DOCK3: variants seen among roughly 807,000 people sequenced by gnomAD.
DOCK3 encodes the protein dedicator of cytokinesis protein 3.
DOCK3 carries 60 observed loss-of-function variants against 265.6 expected under a neutral mutation model. The ratio of observed to expected loss-of-function variants is 0.23; its 90% confidence interval spans 0.18 to 0.28. The LOEUF is 0.28. DOCK3 is among the 10% of genes least tolerant of loss of function. The pLI is 1.00. For synonymous variants in DOCK3, 881 were observed against 938.0 expected, an observed-to-expected ratio of 0.94 and a Z score of 1.11; for missense variants, 1,981 against 2,594.3, an observed-to-expected ratio of 0.76 and a Z score of 5.14.
At chr3:51,166,345 C>A (rs1204827003) in intron 12 of DOCK3, among the ~76,000 whole-genome samples, 1 of 152,184 alleles carries the variant, frequency 6.6e-6, no homozygotes, top group African/African-American at 2.4e-5. Flanking sequence ...GTCACCATGC[C>A]TGGCCTATGT....
chr3:51,171,711 A>G (rs1251606954), intron 12 of DOCK3, among the ~76,000 whole-genome samples: 1 of 148,254 alleles, frequency 6.7e-6, no homozygotes, highest in African/African-American at 2.5e-5. Flanking sequence ...GCGAGACTCC[A>G]TCTCAAAAAA....
chr3:50,960,608 T>C (rs1411871086), intron 5 of DOCK3, among the ~76,000 whole-genome samples: 1 of 152,190 alleles, frequency 6.6e-6, no homozygotes, highest in Non-Finnish European at 1.5e-5. Flanking sequence ...ATCAGAAGTA[T>C]GATTTGAAAA....
chr3:50,788,093 G>A (rs763000043), intron 2 of DOCK3: 1 of 755,608 alleles, frequency 1.3e-6, no homozygotes, highest in South Asian at 1.8e-5. Context: ...GCTCATCTTG[G>A]TGTCCACAAA....
chr3:51,180,826 T>C (rs2087246925), intron 12 of DOCK3, among the ~76,000 whole-genome samples: 1 of 152,180 alleles, frequency 6.6e-6, no homozygotes, highest in Non-Finnish European at 1.5e-5. Flanking sequence ...AGTGTCAATG[T>C]GGAGCCTTGT....
chr3:51,149,185 AT>A (rs1431383284), intron 10 of DOCK3, among the ~76,000 whole-genome samples: 4 of 152,100 alleles, frequency 2.6e-5, no homozygotes, highest in African/African-American at 9.7e-5. Flanking sequence ...TTGCACATTG[AT>A]TTTGTGTCCT....
chr3:50,834,712 T>C (rs2045402474), intron 2 of DOCK3, among the ~76,000 whole-genome samples: 1 of 152,210 alleles, frequency 6.6e-6, no homozygotes, highest in African/African-American at 2.4e-5. Flanking sequence ...CATGTCACTA[T>C]AAGTCATTCA....
At chr3:51,048,937 A>C (rs552767820) in intron 5 of DOCK3, among the ~76,000 whole-genome samples, 175 of 152,154 alleles carry the variant, frequency 1.2e-3, no homozygotes, top group Non-Finnish European at 1.8e-3. Flanking sequence ...GCAGCACAGC[A>C]GTATCACCAG....
intron 5 of DOCK3, among the ~76,000 whole-genome samples, chr3:50,940,215 G>T (rs1339077464): frequency 6.6e-6 from 1 of 151,468 alleles, no homozygotes. Flanking sequence ...ACTTTGGGAG[G>T]CTGAGGCAGG....
At position 50,755,396 on chromosome 3, in the gene DOCK3, A is replaced by AT. The variant is rs200090888; in HGVS notation, c.38-23278dup. Among the ~76,000 whole-genome samples the AT allele has an allele frequency of 6.5e-3, 985 of 152,314 alleles. 6 individuals carry two copies. The highest frequency in any genetic ancestry group is 0.015 in the Admixed American group (229 of 15,290). On this transcript the variant is annotated intron_variant, in intron 1 of 52. Transcript: ENST00000266037. ...GTATCACCACCATTAGTTGTAACACATCTTAGCAGATACCACTTCAGGTTA... is the reference window on the plus strand; with the variant it reads ...GTATCACCACCATTAGTTGTAACACATTCTTAGCAGATACCACTTCAGGTTA...
At chr3:50,991,231 C>A (rs1251108292) in intron 5 of DOCK3, among the ~76,000 whole-genome samples, 1 of 152,110 alleles carries the variant, frequency 6.6e-6, no homozygotes, top group African/African-American at 2.4e-5. Flanking sequence ...GTGACAGGAT[C>A]AAATCCACAC....
At chr3:50,934,292 C>G (rs2051235720) in intron 5 of DOCK3, among the ~76,000 whole-genome samples, 2 of 152,148 alleles carry the variant, frequency 1.3e-5, no homozygotes, top group African/African-American at 4.8e-5. Flanking sequence ...CCTCCAGTCA[C>G]TGGAATATGT....
chr3:50,901,941 A>G (rs1333940890), intron 4 of DOCK3, among the ~76,000 whole-genome samples: 1 of 152,178 alleles, frequency 6.6e-6, no homozygotes, highest in African/African-American at 2.4e-5. Context: ...AAAGAAAGAA[A>G]GCAGCTATTC....
intron 27 of DOCK3, among the ~76,000 whole-genome samples, chr3:51,293,509 G>A (rs1370899744): frequency 1.3e-5 from 2 of 152,132 alleles, no homozygotes; most frequent in Non-Finnish European, 2.9e-5. Context: ...AAATGATAAA[G>A]CTACTAGAAG....
intron 1 of DOCK3, among the ~76,000 whole-genome samples, chr3:50,679,493 G>A (rs1282270003): frequency 6.6e-6 from 1 of 151,752 alleles, no homozygotes; most frequent in African/African-American, 2.4e-5. Flanking sequence ...GGGAAGAAAA[G>A]CACTTAAAAA....
At chr3:50,783,358 TATG>T (rs1387348343) in intron 2 of DOCK3, among the ~76,000 whole-genome samples, 2 of 152,126 alleles carry the variant, frequency 1.3e-5, no homozygotes, top group Non-Finnish European at 2.9e-5. Context: ...ATTTTTAAAT[TATG>T]ATCATTCTTG....
chr3:51,089,210 G>T, intron 7 of DOCK3, 33 bp from the exon 8 acceptor site: 1 of 1,583,006 alleles, frequency 6.3e-7, no homozygotes, highest in South Asian at 1.2e-5. Flanking sequence ...TTCTTTCCCG[G>T]TAGAGTTTAT....
chr3:51,293,485 G>A (rs988139745), intron 27 of DOCK3, among the ~76,000 whole-genome samples: 2 of 152,118 alleles, frequency 1.3e-5, no homozygotes, highest in African/African-American at 4.8e-5. Context: ...AACTGAAAAT[G>A]GATTGAAGAC....
At chr3:51,032,119 C>CGTGTGTGTGTGTGTGT (rs1199409161) in intron 5 of DOCK3, among the ~76,000 whole-genome samples, 4 of 149,098 alleles carry the variant, frequency 2.7e-5, no homozygotes, top group Admixed American at 2.0e-4. Flanking sequence ...CCTCCCTCCT[C>CGTGTGTGTGTGTGTGT]GTGTGTGTGT....
At chr3:51,348,554 A>G (rs149731481) in intron 38 of DOCK3, among the ~76,000 whole-genome samples, 2 of 152,350 alleles carry the variant, frequency 1.3e-5, no homozygotes, top group East Asian at 3.9e-4. Context: ...TTAAATTAAG[A>G]TAACTTCATA....
Sources: gnomAD v4.1 joint callset for allele counts (sites outside exome capture counted in the v4.1 genomes callset) on GRCh38, gnomAD v4.1.1 for gene constraint, MANE v1.5 for transcripts, NCBI Gene and HGNC (gene_info 2026-07-23, HGNC 2026-07-21) for gene names.